The following SPOCK1 variants were observed in gnomAD, a reference collection of about 807,000 sequenced individuals.
SPOCK1 encodes the protein SPARC (osteonectin), cwcv and kazal like domains proteoglycan 1, also known as testican-1.
A neutral mutation model predicts 55.3 loss-of-function variants in SPOCK1; 23 were observed. The observed-to-expected ratio is 0.42, with a 90% CI of 0.30 to 0.59. SPOCK1 has a LOEUF of 0.59. Ranked by LOEUF, SPOCK1 falls within the 20% of genes least tolerant of loss-of-function variation. SPOCK1 has a pLI of 0.22. For synonymous variants in SPOCK1, 226 were observed against 221.0 expected (o/e 1.02, Z -0.20); for missense variants, 499 against 552.5 (o/e 0.90, Z 0.97).
At chr5:137,421,469 A>T (rs1231300758) in intron 2 of SPOCK1, among the ~76,000 whole-genome samples, 3 of 152,076 alleles carry the variant, frequency 2.0e-5, no homozygotes, top group Admixed American at 1.3e-4. Context: ...TGCTTTATGA[A>T]TCTGGGTGCT....
intron 2 of SPOCK1, among the ~76,000 whole-genome samples, chr5:137,441,336 A>AGCT (rs1019976298): frequency 1.3e-5 from 2 of 152,252 alleles, no homozygotes; most frequent in Non-Finnish European, 2.9e-5. Context: ...GTCACCTCAG[A>AGCT]GTCTCCTCAA....
At chr5:137,187,069 C>A (rs1755082883) in intron 3 of SPOCK1, among the ~76,000 whole-genome samples, 1 of 152,190 alleles carries the variant, frequency 6.6e-6, no homozygotes, top group South Asian at 2.1e-4. Flanking sequence ...AAACTCTCAT[C>A]CCTCTTGTTA....
chr5:137,246,396 A>C (rs924712606), intron 3 of SPOCK1, among the ~76,000 whole-genome samples: 2 of 152,210 alleles, frequency 1.3e-5, no homozygotes, highest in African/African-American at 4.8e-5. Flanking sequence ...TTCTATCAAG[A>C]TAAAGTTGAC....
intron 2 of SPOCK1, among the ~76,000 whole-genome samples, chr5:137,431,898 A>T (rs1207337486): frequency 6.6e-6 from 1 of 152,218 alleles, no homozygotes; most frequent in Non-Finnish European, 1.5e-5. Flanking sequence ...ATTCTATCAC[A>T]GCAACACAAA....
At chr5:137,313,005 G>T (rs954313644) in intron 2 of SPOCK1, among the ~76,000 whole-genome samples, 3 of 152,102 alleles carry the variant, frequency 2.0e-5, no homozygotes, top group Non-Finnish European at 4.4e-5. Flanking sequence ...TCCCAACCAG[G>T]AGTATCCTGG....
At chr5:137,412,480 G>A (rs905465127) in intron 2 of SPOCK1, among the ~76,000 whole-genome samples, 2 of 152,182 alleles carry the variant, frequency 1.3e-5, no homozygotes, top group African/African-American at 2.4e-5. Context: ...CAGTGAATGA[G>A]AAAACAACTG....
intron 2 of SPOCK1, among the ~76,000 whole-genome samples, chr5:137,269,140 G>A (rs1756913021): frequency 6.6e-6 from 1 of 152,210 alleles, no homozygotes; most frequent in Admixed American, 6.5e-5. Flanking sequence ...GCCTCCAAAA[G>A]TAGCTATCTG....
chr5:137,272,954 T>C (rs1411012645), intron 2 of SPOCK1, among the ~76,000 whole-genome samples: 2 of 152,184 alleles, frequency 1.3e-5, no homozygotes, highest in African/African-American at 4.8e-5. Flanking sequence ...GTACAGGTGG[T>C]TGTATGTTTA....
intron 2 of SPOCK1, among the ~76,000 whole-genome samples, chr5:137,463,905 A>T (rs1753546190): frequency 6.6e-6 from 1 of 152,088 alleles, no homozygotes; most frequent in Non-Finnish European, 1.5e-5. Context: ...CCAAGATTAC[A>T]CCGCTGCACT....
At chr5:137,044,140 T>C (rs74377650) in intron 6 of SPOCK1, among the ~76,000 whole-genome samples, 7,118 of 152,242 alleles carry the variant, frequency 0.047, 232 homozygotes, top group Non-Finnish European at 0.07. Flanking sequence ...GGGAACACAG[T>C]GTTCTAAGCA....
At chr5:137,123,113 A>C (rs940780444) in intron 4 of SPOCK1, among the ~76,000 whole-genome samples, 5 of 152,188 alleles carry the variant, frequency 3.3e-5, no homozygotes, top group African/African-American at 1.2e-4. Context: ...GGTCATTCAC[A>C]AAAGCGCTAC....
At chr5:137,219,566 A>G (rs1394269300) in intron 3 of SPOCK1, among the ~76,000 whole-genome samples, 2 of 152,258 alleles carry the variant, frequency 1.3e-5, no homozygotes, top group African/African-American at 4.8e-5. Context: ...CCAAATGAAT[A>G]GAAGCTCAAA....
intron 2 of SPOCK1, among the ~76,000 whole-genome samples, chr5:137,350,795 TTGTGTGTGTG>T (rs111548796): frequency 6.7e-6 from 1 of 148,392 alleles, no homozygotes; most frequent in Non-Finnish European, 1.5e-5. Flanking sequence ...TCATATAGGG[TTGTGTGTGTG>T]TGTGTGTGTG....
At chr5:137,379,405 A>C (rs1317886098) in intron 2 of SPOCK1, among the ~76,000 whole-genome samples, 1 of 152,140 alleles carries the variant, frequency 6.6e-6, no homozygotes, top group Non-Finnish European at 1.5e-5. Context: ...TTTTTACCGA[A>C]AAGAAAAAAA....
chr5:137,132,020 A>ATATATATATATATATATATAT (rs1491415264), intron 4 of SPOCK1, among the ~76,000 whole-genome samples: 1 of 84,278 alleles, frequency 1.2e-5, no homozygotes, highest in African/African-American at 4.7e-5. Context: ...ATATATATAT[A>ATATATATATATATATATATAT]AAAAATTAGC....
At chr5:137,473,076 G>T (rs1318474992) in intron 2 of SPOCK1, among the ~76,000 whole-genome samples, 3 of 152,220 alleles carry the variant, frequency 2.0e-5, no homozygotes, top group African/African-American at 7.2e-5. Flanking sequence ...ATATGCTTCT[G>T]CTGTGACCCA....
intron 6 of SPOCK1, among the ~76,000 whole-genome samples, chr5:137,002,215 G>A (rs556668752): frequency 6.6e-6 from 1 of 152,040 alleles, no homozygotes; most frequent in South Asian, 2.1e-4. Context: ...AAGCAAAGAT[G>A]GATAAATTTC....
At position 136,977,761 on chromosome 5, in the gene SPOCK1, T is replaced by A. The variant is rs569989648; in HGVS notation, c.*893A>T. 1.3e-5 allele frequency: 5 copies of A among 398,952 alleles called. No homozygotes were observed. The East Asian group carries it at 1.8e-4, about 14-fold the overall frequency. The allele number at this position is 398,952 out of a possible 1,614,324, so 24.7% of individuals were successfully genotyped here. ...CGGAGGTTTTTTCTCAATCAGAGGC[T>A]TTCAGTAACTCTGCTGATGCACAGA... On this transcript the variant is annotated 3_prime_UTR_variant, in exon 11 of 11. Transcript: ENST00000394945.
intron 3 of SPOCK1, among the ~76,000 whole-genome samples, chr5:137,245,707 A>C (rs190386963): frequency 1.7e-3 from 266 of 152,172 alleles, no homozygotes; most frequent in African/African-American, 6.2e-3. Context: ...TAGATGGCCC[A>C]ATCATGAATT....
Sources: allele counts gnomAD v4.1 joint callset (sites outside exome capture counted in the v4.1 genomes callset), GRCh38; gene constraint gnomAD v4.1.1; transcripts MANE v1.5; gene names NCBI Gene and HGNC (gene_info 2026-07-23, HGNC 2026-07-21).